CFAP299: variants seen among roughly 807,000 people sequenced by gnomAD.
CFAP299 encodes the protein cilia- and flagella-associated protein 299.
Under a neutral mutation model 27.0 loss-of-function variants are expected in CFAP299, and 21 were observed. That is an observed-to-expected ratio of 0.78 (90% CI 0.55 to 1.12). CFAP299 has a LOEUF of 1.12. CFAP299 is among the 50% of genes most tolerant of loss of function. CFAP299 has a pLI of 0.00. For synonymous variants in CFAP299, 104 were observed against 98.1 expected (o/e 1.06, Z -0.36); for missense variants, 310 against 276.6 (o/e 1.12, Z -0.86).
intron 1 of CFAP299, among the ~76,000 whole-genome samples, chr4:80,350,074 C>CA (rs1722945614): frequency 6.6e-6 from 1 of 151,964 alleles, no homozygotes. Flanking sequence ...AAGATAATAA[C>CA]AAAAGACATA....
chr4:80,698,349 C>A lies in CFAP299; in HGVS notation c.333+115166C>A, dbSNP rs1721245622. 3.3e-5 allele frequency among the ~76,000 whole-genome samples: 5 copies of A among 152,302 alleles called. No individual in the cohort carries two copies. In the South Asian group the frequency reaches 1.0e-3, roughly 32 times the overall value. The stretch of plus-strand genomic sequence containing the variant: ...ATTGTGTTTTGTACCACTACATTCC[C>A]AGAATCTAGCCCAGTGTCTAGCAGT... On this transcript the variant is annotated intron_variant, in intron 3 of 5. Coordinates refer to ENST00000358105, the MANE Select transcript of CFAP299 (RefSeq NM_152770.3).
chr4:80,414,260 C>T (rs557067900), intron 2 of CFAP299, among the ~76,000 whole-genome samples: 1,531 of 151,124 alleles, frequency 0.01, 26 homozygotes, highest in African/African-American at 0.035. Context: ...TTAGTAGAGA[C>T]GGGGTTTCAC....
At chr4:80,691,805 AG>A (rs1400142227) in intron 3 of CFAP299, among the ~76,000 whole-genome samples, 2 of 152,246 alleles carry the variant, frequency 1.3e-5, no homozygotes, top group Non-Finnish European at 2.9e-5. Context: ...CCATTGTCTC[AG>A]CCCAAAATCT....
At chr4:80,872,472 G>A (rs1301574166) in intron 4 of CFAP299, 2 of 151,998 alleles carry the variant, frequency 1.3e-5, no homozygotes, top group African/African-American at 4.8e-5. Flanking sequence ...AATTCCTGCA[G>A]AAATACAAAA....
intron 2 of CFAP299, among the ~76,000 whole-genome samples, chr4:80,547,600 G>A (rs1205749891): frequency 1.3e-5 from 2 of 152,148 alleles, no homozygotes; most frequent in African/African-American, 2.4e-5. Flanking sequence ...CCTACGGAAT[G>A]AGAGAAAGTA....
chr4:80,770,877 C>G (rs1159603684), intron 3 of CFAP299, among the ~76,000 whole-genome samples: 1 of 152,096 alleles, frequency 6.6e-6, no homozygotes, highest in Non-Finnish European at 1.5e-5. Flanking sequence ...CCAGATGGCT[C>G]CCTCCATAGA....
rs550119461 is a variant in CFAP299, at chr4:80,369,807, G to A, written c.242+6923G>A. Reference sequence around the variant, plus strand: ...ATCGGTTTTTAATAGTATTGCTGCCGAGCTGGAGATTCAGTGGTGCCTTCA... The same window carrying A: ...ATCGGTTTTTAATAGTATTGCTGCCAAGCTGGAGATTCAGTGGTGCCTTCA... On this transcript the variant is annotated intron_variant, in intron 2 of 5. Transcript: ENST00000358105. 9.9e-5 allele frequency among the ~76,000 whole-genome samples: 15 copies of A among 152,244 alleles called. 1 individual carries two copies. Among genetic ancestry groups the A allele is most frequent in the African/African-American group, 1.7e-4 (7 of 41,556 alleles).
At chr4:80,406,372 A>T (rs1726418967) in intron 2 of CFAP299, among the ~76,000 whole-genome samples, 1 of 151,976 alleles carries the variant, frequency 6.6e-6, no homozygotes, top group South Asian at 2.1e-4. Flanking sequence ...TTTAAGTGTA[A>T]TTTTTATTTT....
intron 4 of CFAP299, among the ~76,000 whole-genome samples, chr4:80,903,657 G>C (rs1445945549): frequency 1.3e-5 from 2 of 151,882 alleles, no homozygotes; most frequent in Non-Finnish European, 2.9e-5. Flanking sequence ...TACAGATATA[G>C]ATAAATACAT....
rs150478667 is a variant in CFAP299, at chr4:80,362,752, A to G, written c.112-2A>G. 579 of 1,596,956 alleles carry G rather than the reference A, an allele frequency of 3.6e-4. 2 individuals carry two copies. The Middle Eastern group carries it at 7.4e-3, about 20-fold the overall frequency. On this transcript the variant is annotated splice_acceptor_variant, in intron 1 of 5. Transcript: ENST00000358105. LOFTEE classifies it high-confidence loss of function. Reference sequence around the variant, plus strand: ...TCACCTAACAACTGATTTTCTCTCTAGGATGAAACCCTGGCCCGCCAGTTG... The same window carrying G: ...TCACCTAACAACTGATTTTCTCTCTGGGATGAAACCCTGGCCCGCCAGTTG...
intron 3 of CFAP299, among the ~76,000 whole-genome samples, chr4:80,795,826 C>T (rs913324060): frequency 3.9e-5 from 6 of 152,094 alleles, no homozygotes; most frequent in African/African-American, 1.2e-4. Context: ...ACTAACAGAC[C>T]AAGATCTGTC....
intron 2 of CFAP299, among the ~76,000 whole-genome samples, chr4:80,526,027 A>G (rs578220306): frequency 7.4e-4 from 112 of 152,166 alleles, no homozygotes; most frequent in Non-Finnish European, 1.2e-3. Context: ...GTACTCATAT[A>G]AGAGACATGG....
In CFAP299 at chr4:80,874,056, C is replaced by T. The variant is rs192869434; in HGVS notation, c.476+3921C>T. ...TATGCACTTATCCTGTGCTTAAGTG[C>T]ATTCTTCTGAAAGCATTCTGGTAAC... On this transcript the variant is annotated intron_variant, in intron 4 of 5. Transcript: ENST00000358105. Among the ~76,000 whole-genome samples the T allele has an allele frequency of 3.8e-3, 582 of 152,260 alleles. 1 individual carries two copies. Among genetic ancestry groups the T allele is most frequent in the Middle Eastern group, 0.014 (4 of 294 alleles).
At chr4:80,500,949 G>A (rs181051414) in intron 2 of CFAP299, among the ~76,000 whole-genome samples, 11 of 152,232 alleles carry the variant, frequency 7.2e-5, no homozygotes, top group African/African-American at 2.4e-4. Context: ...GGAATAACCT[G>A]CTGGAAGGTG....
chr4:80,585,370 G>T (rs1406796306), intron 3 of CFAP299, among the ~76,000 whole-genome samples: 2 of 152,154 alleles, frequency 1.3e-5, no homozygotes, highest in Non-Finnish European at 2.9e-5. Flanking sequence ...TGGAGAAAAA[G>T]ATCTGAACTC....
At chr4:80,386,510 GGT>G (rs1491284570) in intron 2 of CFAP299, 270 of 1,420,720 alleles carry the variant, frequency 1.9e-4, no homozygotes, top group Non-Finnish European at 2.2e-4. Context: ...CGCGGGCGGT[GGT>G]GGGGGGGGGG....
At position 80,579,586 on chromosome 4, in the gene CFAP299, C is replaced by G. The variant is rs566461634; in HGVS notation, c.243-3507C>G. On this transcript the variant is annotated intron_variant, in intron 2 of 5. Transcript: ENST00000358105. ...CTTAGCAAAATATTAAGAGTCCCAT[C>G]CTTACTAGTGAATGATGCCTAAAAA... Among the ~76,000 whole-genome samples the G allele has an allele frequency of 2.0e-5, 3 of 152,166 alleles. No homozygotes were observed. The East Asian group carries it at 5.8e-4, about 29-fold the overall frequency.
At chr4:80,769,169 G>C (rs987361332) in intron 3 of CFAP299, among the ~76,000 whole-genome samples, 6 of 152,132 alleles carry the variant, frequency 3.9e-5, no homozygotes, top group African/African-American at 1.4e-4. Flanking sequence ...AATACATCTT[G>C]TTTAGTGCTT....
chr4:80,725,518 G>T (rs979088990), intron 3 of CFAP299, among the ~76,000 whole-genome samples: 1 of 152,052 alleles, frequency 6.6e-6, no homozygotes, highest in Non-Finnish European at 1.5e-5. Flanking sequence ...TTTTTCCAAA[G>T]GTGAATCTCA....
Sources: allele counts gnomAD v4.1 joint callset (sites outside exome capture counted in the v4.1 genomes callset), GRCh38; gene constraint gnomAD v4.1.1; transcripts MANE v1.5; gene names NCBI Gene and HGNC (gene_info 2026-07-23, HGNC 2026-07-21).